DLGAP2: variants seen among roughly 807,000 people sequenced by gnomAD.
The protein encoded by DLGAP2 is disks large-associated protein 2.
DLGAP2 carries 26 observed loss-of-function variants against 100.3 expected under a neutral mutation model. The observed-to-expected ratio is 0.26, with a 90% CI of 0.19 to 0.36. The LOEUF is 0.36. Among genes scored for constraint, DLGAP2 ranks in the 10% least tolerant of loss-of-function variants. The probability of loss-of-function intolerance (pLI) is 1.00; values close to 1 mark genes in which losing one functional copy is unlikely to be tolerated. For synonymous variants in DLGAP2, 886 were observed against 630.1 expected (o/e 1.41, Z -6.08); for missense variants, 1,858 against 1,453.2 (o/e 1.28, Z -4.53).
rs144254505 is a variant in DLGAP2, at chr8:1,178,762, A to G, written c.74-80089A>G. On this transcript the variant is annotated intron_variant, in intron 2 of 14. Coordinates refer to ENST00000637795, the MANE Select transcript of DLGAP2 (RefSeq NM_001346810.2). ...TGGCTCAGAGACAGTCTTACCTGCA[A>G]TGATTCTCTGCCAATTCCAGGGAAG... 4.6e-3 allele frequency among the ~76,000 whole-genome samples: 707 copies of G among 152,314 alleles called. 20 individuals are homozygous for G. In the East Asian group the frequency reaches 0.062, roughly 13 times the overall value.
At chr8:1,041,293 G>A (rs945540622) in intron 2 of DLGAP2, among the ~76,000 whole-genome samples, 7 of 152,116 alleles carry the variant, frequency 4.6e-5, no homozygotes, top group African/African-American at 1.7e-4. Flanking sequence ...TAGCTTGGAG[G>A]TGCGTGGAGA....
At chr8:1,603,587 A>C (rs1796700763) in intron 6 of DLGAP2, among the ~76,000 whole-genome samples, 1 of 151,620 alleles carries the variant, frequency 6.6e-6, no homozygotes, top group African/African-American at 2.4e-5. Flanking sequence ...AGTTCTGCAG[A>C]GGCTGGTTAG....
At chr8:742,086 A>G (rs987433209) in intron 1 of DLGAP2, among the ~76,000 whole-genome samples, 21 of 152,228 alleles carry the variant, frequency 1.4e-4, no homozygotes, top group African/African-American at 4.8e-4. Context: ...AAACCAGGAG[A>G]TTGTTTCTTT....
intron 2 of DLGAP2, among the ~76,000 whole-genome samples, chr8:1,220,453 C>G (rs1029611100): frequency 6.7e-6 from 1 of 148,520 alleles, no homozygotes; most frequent in Non-Finnish European, 1.5e-5. Context: ...TTTTATTGTG[C>G]TGTGGTCCAA....
At chr8:973,253 C>G (rs888455979) in intron 2 of DLGAP2, among the ~76,000 whole-genome samples, 2 of 147,410 alleles carry the variant, frequency 1.4e-5, no homozygotes, top group Non-Finnish European at 1.5e-5. Context: ...CGGAGGCTGT[C>G]CCCCCACCTC....
At chr8:1,308,285 A>T (rs898032948) in intron 3 of DLGAP2, among the ~76,000 whole-genome samples, 1 of 152,178 alleles carries the variant, frequency 6.6e-6, no homozygotes, top group Non-Finnish European at 1.5e-5. Flanking sequence ...AAACAACCTT[A>T]AGAAACAGAG....
At chr8:1,334,982 A>T (rs2117067673) in intron 3 of DLGAP2, among the ~76,000 whole-genome samples, 1 of 152,316 alleles carries the variant, frequency 6.6e-6, no homozygotes, top group Non-Finnish European at 1.5e-5. Context: ...AGGCACTTCC[A>T]GCAGGCCTTA....
At chr8:1,200,123 G>C (rs1214819617) in intron 2 of DLGAP2, among the ~76,000 whole-genome samples, 15 of 152,218 alleles carry the variant, frequency 9.9e-5, no homozygotes, top group Admixed American at 2.0e-4. Context: ...TGGGGGCCGG[G>C]AGCGGATCCC....
intron 3 of DLGAP2, among the ~76,000 whole-genome samples, chr8:1,449,739 G>C (rs1350622945): frequency 3.3e-5 from 5 of 152,206 alleles, no homozygotes; most frequent in African/African-American, 1.2e-4. Context: ...CTGTAAGGAT[G>C]CAGGATGCGA....
rs572291899 is a variant in DLGAP2 at position 1,071,002 on chromosome 8, C to T, written c.73+163036C>T. Among the ~76,000 whole-genome samples the T allele has an allele frequency of 3.5e-4, 53 of 152,298 alleles. No homozygotes were observed. The South Asian group carries it at 4.8e-3, about 14-fold the overall frequency. On this transcript the variant is annotated intron_variant, in intron 2 of 14. Transcript: ENST00000637795. ...AAATCAGAAGGGGCATTTTAGCAAA[C>T]AGTGTGCTGTGGATGAGATTCAGCG...
intron 8 of DLGAP2, among the ~76,000 whole-genome samples, chr8:1,653,485 C>G (rs1244880328): frequency 1.3e-5 from 2 of 152,222 alleles, no homozygotes; most frequent in African/African-American, 2.4e-5. Context: ...TCAGCTAGCT[C>G]AAACTGATGC....
intron 6 of DLGAP2, among the ~76,000 whole-genome samples, chr8:1,567,600 C>A (rs1802454418): frequency 6.6e-6 from 1 of 152,198 alleles, no homozygotes; most frequent in African/African-American, 2.4e-5. Flanking sequence ...CCCCCAGGAT[C>A]ATTATCACCT....
intron 3 of DLGAP2, among the ~76,000 whole-genome samples, chr8:1,320,552 C>T (rs1009501087): frequency 6.6e-6 from 1 of 152,170 alleles, no homozygotes; most frequent in Non-Finnish European, 1.5e-5. Context: ...GTGATAACCA[C>T]CCCTGTGCTT....
At chr8:1,618,662 A>C (rs1017079737) in intron 6 of DLGAP2, among the ~76,000 whole-genome samples, 5 of 152,214 alleles carry the variant, frequency 3.3e-5, no homozygotes, top group African/African-American at 4.8e-5. Context: ...GTTAAATCTA[A>C]TCGGGACAGT....
intron 2 of DLGAP2, among the ~76,000 whole-genome samples, chr8:1,068,973 C>A (rs1000566180): frequency 6.6e-6 from 1 of 152,120 alleles, no homozygotes; most frequent in Non-Finnish European, 1.5e-5. Flanking sequence ...TCTGTGGGAC[C>A]CAGTCCTTGA....
intron 2 of DLGAP2, among the ~76,000 whole-genome samples, chr8:1,221,493 G>T (rs938305547): frequency 1.3e-5 from 2 of 152,080 alleles, no homozygotes; most frequent in Non-Finnish European, 2.9e-5. Flanking sequence ...GGTTCCCTTG[G>T]TACATGACCT....
rs1481544332 is a variant in DLGAP2 at position 1,109,129 on chromosome 8, A to G, written c.74-149722A>G. 1.2e-3 allele frequency among the ~76,000 whole-genome samples: 111 copies of G among 89,146 alleles called. 1 individual carries two copies. Among genetic ancestry groups the G allele is most frequent in the African/African-American group, 2.9e-3 (70 of 23,730 alleles). The allele number at this position is 89,146 out of a possible 152,430, so 58.5% of individuals were successfully genotyped here. A position where few individuals can be genotyped will look rare whatever the true frequency, so the allele number is the denominator to read the frequency against. The stretch of plus-strand genomic sequence containing the variant: ...GGGTCTGTGAGGTGTGCACGTGCCT[A>G]TGAGGTGTGCTGGATCTGTGAGGTG... On this transcript the variant is annotated intron_variant, in intron 2 of 14. Transcript: ENST00000637795.
At chr8:1,323,040 T>C (rs1405110363) in intron 3 of DLGAP2, among the ~76,000 whole-genome samples, 1 of 152,024 alleles carries the variant, frequency 6.6e-6, no homozygotes, top group Non-Finnish European at 1.5e-5. Flanking sequence ...CAATTTTTTT[T>C]TTTTTTTTGA....
At chr8:1,302,823 C>G (rs1018313597) in intron 3 of DLGAP2, among the ~76,000 whole-genome samples, 4 of 152,274 alleles carry the variant, frequency 2.6e-5, no homozygotes, top group East Asian at 3.9e-4. Flanking sequence ...AGGAGGCCCA[C>G]GCCTGACGGC....
Sources: gnomAD v4.1 joint callset for allele counts (sites outside exome capture counted in the v4.1 genomes callset) on GRCh38, gnomAD v4.1.1 for gene constraint, MANE v1.5 for transcripts, NCBI Gene and HGNC (gene_info 2026-07-23, HGNC 2026-07-21) for gene names.